The following P4HA1 variants were observed in gnomAD, a reference collection of about 807,000 sequenced individuals.
The protein encoded by P4HA1 is prolyl 4-hydroxylase subunit alpha 1.
Under a neutral mutation model 72.8 loss-of-function variants are expected in P4HA1, and 24 were observed. That is an observed-to-expected ratio of 0.33 (90% CI 0.24 to 0.46). The LOEUF (loss-of-function observed/expected upper bound fraction) is 0.46, where lower values mean the gene tolerates loss of function less well. Ranked by LOEUF, P4HA1 falls within the 20% of genes least tolerant of loss-of-function variation. The pLI is 1.00. For missense variants in P4HA1, 446 were observed against 640.6 expected, an observed-to-expected ratio of 0.70 and a Z score of 3.28; for synonymous variants, 201 against 218.8, an observed-to-expected ratio of 0.92 and a Z score of 0.72.
chr10:73,052,029 G>C (rs1344717498), intron 6 of P4HA1, among the ~76,000 whole-genome samples: 1 of 152,168 alleles, frequency 6.6e-6, no homozygotes, highest in Non-Finnish European at 1.5e-5. Flanking sequence ...TCTAAGGGCT[G>C]AGTGAAGTTC....
chr10:73,044,913 G>T, intron 9 of P4HA1, 68 bp downstream of exon 9: 1 of 1,290,556 alleles, frequency 7.7e-7, no homozygotes, highest in South Asian at 1.3e-5. Context: ...TTCCTTAAAT[G>T]AATAATTCCT....
chr10:73,063,214 A>G (rs1841349494), intron 5 of P4HA1, among the ~76,000 whole-genome samples: 2 of 152,222 alleles, frequency 1.3e-5, no homozygotes. Flanking sequence ...GGGTAGTCCA[A>G]GATTCAAAGC....
At chr10:73,048,028 G>A (rs1195523021) in intron 7 of P4HA1, among the ~76,000 whole-genome samples, 6 of 152,148 alleles carry the variant, frequency 3.9e-5, no homozygotes, top group Admixed American at 1.3e-4. Context: ...CTCCAGCCTG[G>A]GTGACAGAGC....
At chr10:73,031,384 C>G (rs1840428820) in intron 9 of P4HA1, among the ~76,000 whole-genome samples, 1 of 152,174 alleles carries the variant, frequency 6.6e-6, no homozygotes. Flanking sequence ...ACTCTGGCAG[C>G]TGAAGCAAGA....
At chr10:73,052,308 A>T (rs948650892) in intron 6 of P4HA1, among the ~76,000 whole-genome samples, 2 of 152,198 alleles carry the variant, frequency 1.3e-5, no homozygotes, top group African/African-American at 4.8e-5. Flanking sequence ...TAGATTGTAA[A>T]ATATTTCTTG....
chr10:73,034,392 A>G (rs1840515448), intron 9 of P4HA1, among the ~76,000 whole-genome samples: 1 of 152,054 alleles, frequency 6.6e-6, no homozygotes, highest in South Asian at 2.1e-4. Flanking sequence ...CCATTTCCAG[A>G]ACTTTTTCAT....
chr10:73,012,114 G>A (rs963016962), intron 12 of P4HA1, among the ~76,000 whole-genome samples: 2 of 152,232 alleles, frequency 1.3e-5, no homozygotes, highest in South Asian at 2.1e-4. Flanking sequence ...AGAAAAACAG[G>A]AAGGGTGTTT....
At chr10:73,033,817 C>T (rs920781792) in intron 9 of P4HA1, among the ~76,000 whole-genome samples, 6 of 152,034 alleles carry the variant, frequency 3.9e-5, no homozygotes, top group African/African-American at 1.2e-4. Flanking sequence ...TGACGTTGGA[C>T]GAAGCAATGG....
intron 5 of P4HA1, among the ~76,000 whole-genome samples, chr10:73,066,328 G>A (rs1024240025): frequency 4.6e-5 from 7 of 152,214 alleles, no homozygotes; most frequent in Admixed American, 1.3e-4. Flanking sequence ...TCAACAAGGA[G>A]ATAAAAAGCA....
intron 5 of P4HA1, among the ~76,000 whole-genome samples, chr10:73,059,059 T>G (rs1276573106): frequency 6.6e-6 from 1 of 152,028 alleles, no homozygotes; most frequent in Non-Finnish European, 1.5e-5. Flanking sequence ...ATTACAGGTG[T>G]GAGCCACCAC....
At chr10:73,054,231 C>T (rs995598280) in intron 5 of P4HA1, among the ~76,000 whole-genome samples, 4 of 152,158 alleles carry the variant, frequency 2.6e-5, no homozygotes, top group Admixed American at 2.6e-4. Flanking sequence ...TCTATCTCAT[C>T]CCTAACCAAC....
At chr10:73,008,726 C>A (rs993570413) in intron 14 of P4HA1, among the ~76,000 whole-genome samples, 1 of 152,118 alleles carries the variant, frequency 6.6e-6, no homozygotes. Flanking sequence ...AGGAACAACT[C>A]TCTTATCAAC....
chr10:73,018,117 T>C (rs962491893), intron 10 of P4HA1, among the ~76,000 whole-genome samples: 6 of 151,816 alleles, frequency 4.0e-5, no homozygotes, highest in African/African-American at 1.5e-4. Context: ...TCAAGAGAGG[T>C]GGAACTGCTC....
intron 1 of P4HA1, among the ~76,000 whole-genome samples, chr10:73,095,898 C>T (rs1296097895): frequency 2.0e-5 from 3 of 152,180 alleles, no homozygotes; most frequent in African/African-American, 7.2e-5. Context: ...ATCCTTCCTC[C>T]CCATTGAAAC....
chr10:73,049,355 C>A (rs942377910), intron 7 of P4HA1, among the ~76,000 whole-genome samples: 3 of 152,184 alleles, frequency 2.0e-5, no homozygotes, highest in Admixed American at 2.0e-4. Context: ...ATGTTTACAC[C>A]TAAAAGTACT....
At chr10:73,044,743 A>G (rs1275530244) in intron 9 of P4HA1, among the ~76,000 whole-genome samples, 1 of 152,206 alleles carries the variant, frequency 6.6e-6, no homozygotes, top group Non-Finnish European at 1.5e-5. Flanking sequence ...AGAAAGATAA[A>G]AAGCATATTA....
intron 10 of P4HA1, among the ~76,000 whole-genome samples, chr10:73,028,403 T>A (rs997504640): frequency 2.6e-5 from 4 of 151,868 alleles, no homozygotes; most frequent in African/African-American, 9.7e-5. Context: ...TAAGAATACA[T>A]TTTGGTCTTC....
At chr10:73,025,047 CAGAGGTACTA>C (rs1840232614) in intron 10 of P4HA1, among the ~76,000 whole-genome samples, 1 of 152,192 alleles carries the variant, frequency 6.6e-6, no homozygotes, top group Admixed American at 6.5e-5. Flanking sequence ...CGAATTCTAT[CAGAGGTACTA>C]AGAGGAGCTG....
intron 9 of P4HA1, among the ~76,000 whole-genome samples, chr10:73,035,927 G>T (rs540925045): frequency 6.6e-6 from 1 of 151,948 alleles, no homozygotes; most frequent in Non-Finnish European, 1.5e-5. Context: ...AGTGGCTCAC[G>T]CCTGTAATCC....
Sources: allele counts gnomAD v4.1 joint callset (sites outside exome capture counted in the v4.1 genomes callset), GRCh38; gene constraint gnomAD v4.1.1; transcripts MANE v1.5; gene names NCBI Gene and HGNC (gene_info 2026-07-23, HGNC 2026-07-21).